Variants in FHAD1 observed in about 807,000 individuals in gnomAD.
FHAD1 encodes the protein forkhead-associated domain-containing protein 1.
A neutral mutation model predicts 191.3 loss-of-function variants in FHAD1; 146 were observed. The ratio of observed to expected loss-of-function variants is 0.76; its 90% confidence interval spans 0.67 to 0.88. The LOEUF is 0.88. Among genes scored for constraint, FHAD1 ranks in the 40% least tolerant of loss-of-function variants. The pLI, the probability that FHAD1 is intolerant of heterozygous loss-of-function variation, is 0.00. For synonymous variants in FHAD1, 616 were observed against 672.3 expected (o/e 0.92, Z 1.29); for missense variants, 1,635 against 1,785.8 (o/e 0.92, Z 1.52).
chr1:15,358,605 C>T (rs1459819416), intron 21 of FHAD1, among the ~76,000 whole-genome samples: 1 of 152,190 alleles, frequency 6.6e-6, no homozygotes, highest in Non-Finnish European at 1.5e-5. Flanking sequence ...GCTAGGATGC[C>T]CTCTCTGCAC....
rs1279051406 is a variant in FHAD1 at position 15,318,627 on chromosome 1, C to G, written c.1365+699C>G. ...CCAGCCTGGGCGACAGAGCAAGACT[C>G]CGTCTCAAAAAAAAAAAAATTTAAT... On this transcript the variant is annotated intron_variant, in intron 10 of 33. Transcript: ENST00000688493. The surrounding 1 kb of genome is among the most constrained non-coding windows in gnomAD (Gnocchi z 4.1). Among the ~76,000 whole-genome samples the G allele has an allele frequency of 6.6e-6, 1 of 151,804 alleles. No individual in the cohort carries two copies. The highest frequency in any genetic ancestry group is 1.9e-4 in the East Asian group (1 of 5,180).
intron 2 of FHAD1, among the ~76,000 whole-genome samples, chr1:15,269,462 A>AT (rs1370824666): frequency 6.6e-6 from 1 of 151,954 alleles, no homozygotes; most frequent in Non-Finnish European, 1.5e-5. Context: ...ATGTTTTGGG[A>AT]TTTTCCACCT....
intron 15 of FHAD1, among the ~76,000 whole-genome samples, chr1:15,341,181 CA>C (rs953893265): frequency 9.3e-5 from 14 of 151,204 alleles, no homozygotes; most frequent in Non-Finnish European, 1.5e-4. Flanking sequence ...GACACCATCT[CA>C]AAAAAAACAA....
chr1:15,305,720 T>C (rs1424480037), intron 6 of FHAD1: 4 of 440,878 alleles, frequency 9.1e-6, no homozygotes, highest in Non-Finnish European at 1.8e-5. Context: ...ATCAGGGGTT[T>C]CCGCTTTTGC....
intron 32 of FHAD1, among the ~76,000 whole-genome samples, chr1:15,389,890 T>C (rs188751961): frequency 2.5e-3 from 385 of 152,352 alleles, no homozygotes; most frequent in African/African-American, 8.8e-3. Context: ...ACAAAGTATT[T>C]GTTTTCATTC....
rs1429541324 is a variant in FHAD1 at position 15,329,128 on chromosome 1, T to A, written c.1711-218T>A. The A allele has an allele frequency of 2.4e-6, 1 of 410,756 alleles. No individual in the cohort carries two copies. Among genetic ancestry groups the A allele is most frequent in the Admixed American group, 3.9e-5 (1 of 25,802 alleles). The allele number at this position is 410,756 out of a possible 1,614,324, so 25.4% of individuals were successfully genotyped here. A position where few individuals can be genotyped will look rare whatever the true frequency, so the allele number is the denominator to read the frequency against. On this transcript the variant is annotated intron_variant, in intron 13 of 33. Coordinates refer to ENST00000688493, the MANE Select transcript of FHAD1 (RefSeq NM_001391957.1). This position sits in a 1 kb window ranked among gnomAD's most constrained non-coding sequence, Gnocchi z 5.0. ...GGGGTTTCATAGACCTAAAAGGGGG[T>A]TCGCTTTGACCATCAAAAGTCCAAA...
rs1181973983 is a variant in FHAD1 at position 15,349,047 on chromosome 1, G to A, written c.2352G>A (p.Leu784=). The A allele has an allele frequency of 2.6e-6, 4 of 1,549,394 alleles. No homozygotes were observed. The East Asian group carries it at 7.4e-5, about 28-fold the overall frequency. ...EERLARQKEV[L]ESSIAHEKRK... is the part of the protein sequence containing the mutation. ...CACTGGTCGTTGATTTTCAGGTTTT[G>A]GAGAGCAGCATAGCCCATGAAAAAA... The change falls in exon 19 of 34, where the codon TTG becomes TTA. Residue 784 remains leucine (L), a synonymous_variant. Transcript: ENST00000688493.
At chr1:15,313,259 C>T in intron 8 of FHAD1, 72 bp downstream of exon 8, 1 of 1,258,156 alleles carries the variant, frequency 7.9e-7, no homozygotes, top group East Asian at 6.0e-5. Flanking sequence ...ACGTGATATG[C>T]TTGTTTCATT....
At chr1:15,359,888 T>C (rs1694144875) in intron 21 of FHAD1, among the ~76,000 whole-genome samples, 1 of 151,928 alleles carries the variant, frequency 6.6e-6, no homozygotes. Context: ...AGGCGGAGCT[T>C]GCAGTGAGCC....
At chr1:15,309,061 T>C (rs1365453526) in intron 7 of FHAD1, among the ~76,000 whole-genome samples, 11 of 152,214 alleles carry the variant, frequency 7.2e-5, no homozygotes, top group Non-Finnish European at 1.5e-4. Context: ...GCTCAGGCAG[T>C]CCCATGAGCC....
intron 19 of FHAD1, among the ~76,000 whole-genome samples, chr1:15,352,472 G>T (rs1310666354): frequency 6.6e-6 from 1 of 152,122 alleles, no homozygotes; most frequent in Non-Finnish European, 1.5e-5. Flanking sequence ...GGGACAGAAG[G>T]CACCTCCCCA....
At chr1:15,383,948 A>G (rs755967957) in intron 31 of FHAD1, 5 of 394,976 alleles carry the variant, frequency 1.3e-5, no homozygotes, top group Non-Finnish European at 2.5e-5. Flanking sequence ...CCCTCCTTGT[A>G]ACTGTCAGCT....
At chr1:15,285,159 A>G (rs1345140686) in intron 3 of FHAD1, among the ~76,000 whole-genome samples, 1 of 152,180 alleles carries the variant, frequency 6.6e-6, no homozygotes, top group Non-Finnish European at 1.5e-5. Context: ...GACCTTGCTT[A>G]TGATAGAGTA....
At position 15,295,968 on chromosome 1, in the gene FHAD1, G is replaced by A. The variant is rs564033749; in HGVS notation, c.569-716G>A. On this transcript the variant is annotated intron_variant, in intron 4 of 33. Transcript: ENST00000688493. ...CAGTCCCTGCTCTACCTAACGTTTCGTTTACTCTTCACAGTAGCCCTTTAT... is the reference window on the plus strand; with the variant it reads ...CAGTCCCTGCTCTACCTAACGTTTCATTTACTCTTCACAGTAGCCCTTTAT... 5.9e-5 allele frequency among the ~76,000 whole-genome samples: 9 copies of A among 152,268 alleles called. No individual in the cohort carries two copies. In the South Asian group the frequency reaches 8.3e-4, roughly 14 times the overall value.
rs11811076 is a variant in FHAD1, at chr1:15,301,955, C to T, written c.915+514C>T. On this transcript the variant is annotated intron_variant, in intron 6 of 33. Transcript: ENST00000688493. ...GGCTGAACCTGGGAGGCAGAGGTTG[C>T]AGAGAACTGAGATGGCGCCACTGCA... is the stretch of plus-strand genomic sequence containing the variant. 3.5e-3 allele frequency among the ~76,000 whole-genome samples: 532 copies of T among 152,234 alleles called. 3 individuals are homozygous for T. Among genetic ancestry groups the T allele is most frequent in the African/African-American group, 0.012 (513 of 41,546 alleles).
intron 14 of FHAD1, among the ~76,000 whole-genome samples, chr1:15,331,760 A>C (rs1388882895): frequency 2.6e-5 from 4 of 151,962 alleles, no homozygotes; most frequent in East Asian, 3.9e-4. Context: ...AGCAGGCAGG[A>C]AGGAAGGAAG....
chr1:15,351,463 G>A (rs1690834364), intron 19 of FHAD1, among the ~76,000 whole-genome samples: 1 of 152,204 alleles, frequency 6.6e-6, no homozygotes, highest in Non-Finnish European at 1.5e-5. Flanking sequence ...TGGTGTCTAA[G>A]CCTGCACCAC....
At chr1:15,332,151 A>G (rs1681903645) in intron 14 of FHAD1, among the ~76,000 whole-genome samples, 1 of 152,206 alleles carries the variant, frequency 6.6e-6, no homozygotes, top group Non-Finnish European at 1.5e-5. Flanking sequence ...ATTAATTTTT[A>G]TGTAGGAACC....
chr1:15,374,659 A>G (rs1446401552), intron 27 of FHAD1, 28 bp downstream of exon 27: 17 of 1,549,448 alleles, frequency 1.1e-5, no homozygotes, highest in Admixed American at 2.0e-5. Context: ...TAGTCAGAGC[A>G]GTGGACCCCA....
Sources: gnomAD v4.1 joint callset for allele counts (sites outside exome capture counted in the v4.1 genomes callset) on GRCh38, gnomAD v4.1.1 for gene constraint, Gnocchi (gnomAD v3.1) non-coding constraint, MANE v1.5 for transcripts, NCBI Gene and HGNC (gene_info 2026-07-23, HGNC 2026-07-21) for gene names.